DMD: variants seen among roughly 807,000 people sequenced by gnomAD.
DMD encodes the protein mutant dystrophin.
DMD carries 63 observed loss-of-function variants against 330.1 expected under a neutral mutation model. That is an observed-to-expected ratio of 0.19 (90% CI 0.16 to 0.24). The LOEUF is 0.24. Ranked by LOEUF, DMD falls within the 10% of genes least tolerant of loss-of-function variation. The pLI is 1.00. For missense variants in DMD, 3,344 were observed against 2,684.1 expected, an observed-to-expected ratio of 1.25 and a Z score of -5.43; for synonymous variants, 1,223 against 959.8, an observed-to-expected ratio of 1.27 and a Z score of -5.07.
At chrX:31,997,968 T>G (rs1204590161) in intron 44 of DMD, among the ~76,000 whole-genome samples, 1 of 111,632 alleles carries the variant, frequency 9.0e-6, no homozygotes, top group Non-Finnish European at 1.9e-5. Context: ...ATTCATCTAA[T>G]TAATGTTCAC....
intron 1 of DMD, among the ~76,000 whole-genome samples, chrX:33,330,386 T>C (rs1315319531): frequency 8.9e-6 from 1 of 111,914 alleles, no homozygotes; most frequent in Non-Finnish European, 1.9e-5. Flanking sequence ...CTATCTGAGA[T>C]GTTATCCTTT....
intron 64 of DMD, among the ~76,000 whole-genome samples, chrX:31,221,607 T>C (rs1241517492): frequency 1.8e-5 from 2 of 113,197 alleles, no homozygotes; most frequent in Admixed American, 9.3e-5. Flanking sequence ...ATATATGACA[T>C]TGAAATGGTC....
At position 32,922,748 on chromosome X, in the gene DMD, GTTTGGGGACCCCTGC is replaced by G. The variant is rs765187078; in HGVS notation, c.94-72943_94-72929del. On this transcript the variant is annotated intron_variant, in intron 2 of 78. Coordinates refer to ENST00000357033, the MANE Select transcript of DMD (RefSeq NM_004006.3). ...CGGACCGATTGGTCTGGGGCCCAGG[GTTTGGGGACCCCTGC>G]TTTGGGGACCCCTGCTTTGGGGAGA... Among the ~76,000 whole-genome samples the G allele has an allele frequency of 4.5e-4, 50 of 111,924 alleles. 1 individual carries two copies. The highest frequency in any genetic ancestry group is 1.5e-3 in the South Asian group (4 of 2,681).
chrX:33,223,064 C>A (rs1392611478), intron 1 of DMD, among the ~76,000 whole-genome samples: 4 of 111,815 alleles, frequency 3.6e-5, no homozygotes, highest in Non-Finnish European at 5.6e-5. Flanking sequence ...AATCCCAGCA[C>A]TTTGGGAGGC....
intron 2 of DMD, among the ~76,000 whole-genome samples, chrX:32,923,567 C>G (rs1436714025): frequency 9.2e-6 from 1 of 109,051 alleles, no homozygotes; most frequent in Non-Finnish European, 1.9e-5. Context: ...AAAAAAAAAA[C>G]AAAAACAAAA....
chrX:31,698,697 C>T (rs898173951), intron 52 of DMD, among the ~76,000 whole-genome samples: 8 of 111,606 alleles, frequency 7.2e-5, no homozygotes, highest in Admixed American at 9.5e-5. Context: ...CTAGTATGAA[C>T]GGGCATTTTT....
At chrX:32,793,492 G>T (rs2075968984) in intron 7 of DMD, among the ~76,000 whole-genome samples, 1 of 109,270 alleles carries the variant, frequency 9.2e-6, no homozygotes, top group African/African-American at 3.3e-5. Flanking sequence ...AATGAAATGA[G>T]AAGTTTGATT....
chrX:32,995,275 A>G (rs1332627993), intron 2 of DMD, among the ~76,000 whole-genome samples: 4 of 112,468 alleles, frequency 3.6e-5, no homozygotes, highest in Non-Finnish European at 7.5e-5. Flanking sequence ...TTTTTAACTT[A>G]AATGCCGTAT....
chrX:31,996,907 T>C (rs867038782), intron 44 of DMD, among the ~76,000 whole-genome samples: 10 of 111,867 alleles, frequency 8.9e-5, no homozygotes, highest in Middle Eastern at 4.6e-3. Flanking sequence ...TGCAATGATG[T>C]CATCTATGGG....
At chrX:33,083,152 G>T (rs919509038) in intron 1 of DMD, among the ~76,000 whole-genome samples, 1 of 111,784 alleles carries the variant, frequency 8.9e-6, no homozygotes, top group African/African-American at 3.2e-5. Flanking sequence ...CCAGAAGAAC[G>T]GAGTGGCGTC....
At chrX:33,183,681 A>G (rs896027489) in intron 1 of DMD, among the ~76,000 whole-genome samples, 1 of 110,964 alleles carries the variant, frequency 9.0e-6, no homozygotes, top group Non-Finnish European at 1.9e-5. Flanking sequence ...GGCTTTCATC[A>G]TGATCCGCGA....
At chrX:31,402,231 T>C (rs2061222373) in intron 60 of DMD, among the ~76,000 whole-genome samples, 1 of 111,132 alleles carries the variant, frequency 9.0e-6, no homozygotes, top group African/African-American at 3.3e-5. Flanking sequence ...ACAATTATGG[T>C]ATGGTTTGAA....
At chrX:32,527,003 C>T (rs1413622547) in intron 17 of DMD, among the ~76,000 whole-genome samples, 3 of 112,077 alleles carry the variant, frequency 2.7e-5, no homozygotes, top group Non-Finnish European at 5.6e-5. Flanking sequence ...TCCAAGCTCC[C>T]AGACTTAACT....
chrX:33,068,069 A>G (rs1315431684), intron 1 of DMD, among the ~76,000 whole-genome samples: 1 of 112,020 alleles, frequency 8.9e-6, no homozygotes, highest in African/African-American at 3.2e-5. Context: ...ATATTTTGTT[A>G]CAATTTCGAG....
chrX:32,758,517 A>G (rs1282298928), intron 7 of DMD, among the ~76,000 whole-genome samples: 1 of 111,510 alleles, frequency 9.0e-6, no homozygotes, highest in Non-Finnish European at 1.9e-5. Flanking sequence ...CATCCACTTG[A>G]TAAAATAATG....
intron 51 of DMD, among the ~76,000 whole-genome samples, chrX:31,766,269 T>C (rs1157274869): frequency 3.6e-5 from 4 of 112,027 alleles, no homozygotes; most frequent in Non-Finnish European, 3.8e-5. Flanking sequence ...TAATTATTTA[T>C]TTATTTGAGA....
intron 16 of DMD, among the ~76,000 whole-genome samples, chrX:32,546,425 T>G (rs1221171412): frequency 9.1e-6 from 1 of 109,700 alleles, no homozygotes; most frequent in Non-Finnish European, 1.9e-5. Flanking sequence ...TGCCAAGAGG[T>G]AAGGGAAGGG....
chrX:31,650,228 T>C (rs1296181866), intron 54 of DMD, among the ~76,000 whole-genome samples: 1 of 82,579 alleles, frequency 1.2e-5, no homozygotes, highest in Non-Finnish European at 2.2e-5. Context: ...CCCAAAGTGC[T>C]GGGATTATGG....
Position 33,022,814 on chromosome X carries a change from T to G in DMD, c.32-2614A>C, listed in dbSNP as rs1400889980. On this transcript the variant is annotated intron_variant, in intron 1 of 78. Transcript: ENST00000357033. Reference sequence around the variant, plus strand: ...GCATAATTAACAATACAGAATACCATAAGATAATCAGAGTCACAAAAGGTG... The same window carrying G: ...GCATAATTAACAATACAGAATACCAGAAGATAATCAGAGTCACAAAAGGTG... 2.7e-5 allele frequency among the ~76,000 whole-genome samples: 3 copies of G among 111,475 alleles called. No homozygotes were observed. In the East Asian group the frequency reaches 8.5e-4, roughly 31 times the overall value.
Sources: allele counts gnomAD v4.1 joint callset (sites outside exome capture counted in the v4.1 genomes callset), GRCh38; gene constraint gnomAD v4.1.1; transcripts MANE v1.5; gene names NCBI Gene and HGNC (gene_info 2026-07-23, HGNC 2026-07-21).